PTPRZ1: variants seen among roughly 807,000 people sequenced by gnomAD.
PTPRZ1 encodes the protein protein tyrosine phosphatase receptor type Z1, also known as receptor-type tyrosine-protein phosphatase zeta.
Under a neutral mutation model 214.1 loss-of-function variants are expected in PTPRZ1, and 82 were observed. The ratio of observed to expected loss-of-function variants is 0.38; its 90% CI spans 0.32 to 0.46. The LOEUF (loss-of-function observed/expected upper bound fraction) is 0.46. Among genes scored for constraint, PTPRZ1 ranks in the 20% least tolerant of loss-of-function variants. PTPRZ1 has a pLI of 1.00. For synonymous variants in PTPRZ1, 945 were observed against 987.9 expected, an observed-to-expected ratio of 0.96 and a Z score of 0.81; for missense variants, 2,603 against 2,748.7, an observed-to-expected ratio of 0.95 and a Z score of 1.19.
At chr7:121,929,686 T>C (rs1332556885) in intron 2 of PTPRZ1, among the ~76,000 whole-genome samples, 2 of 151,654 alleles carry the variant, frequency 1.3e-5, no homozygotes, top group Non-Finnish European at 2.9e-5. Flanking sequence ...CGCATGCTTC[T>C]AATCCCAGCT....
chr7:121,877,711 C>T (rs1446341749), intron 1 of PTPRZ1, among the ~76,000 whole-genome samples: 1 of 152,200 alleles, frequency 6.6e-6, no homozygotes, highest in East Asian at 1.9e-4. Context: ...GATTCAATCC[C>T]ACAATGAAAA....
chr7:122,057,964 GTGTGTA>G (rs200633054), intron 27 of PTPRZ1, among the ~76,000 whole-genome samples: 95 of 85,708 alleles, frequency 1.1e-3, no homozygotes, highest in African/African-American at 5.1e-3. Context: ...GTGTGTGTGT[GTGTGTA>G]TATATATACA....
At chr7:122,033,957 TGTTA>T in intron 15 of PTPRZ1, 134 bp from the exon 16 acceptor site, 1 of 697,680 alleles carries the variant, frequency 1.4e-6, no homozygotes, top group East Asian at 2.7e-5. Flanking sequence ...CATTCTGTTG[TGTTA>T]GTATTTGACA....
At chr7:121,961,046 G>A (rs541067907) in intron 2 of PTPRZ1, among the ~76,000 whole-genome samples, 2 of 152,150 alleles carry the variant, frequency 1.3e-5, no homozygotes, top group South Asian at 4.1e-4. Flanking sequence ...ATAAATAAGA[G>A]ACAGACATAT....
intron 8 of PTPRZ1, among the ~76,000 whole-genome samples, chr7:121,985,760 A>G (rs1797748182): frequency 6.6e-6 from 1 of 152,204 alleles, no homozygotes; most frequent in Admixed American, 6.5e-5. Flanking sequence ...CCATACCCAT[A>G]GATGGTAAAT....
At chr7:121,884,747 C>G (rs1349742232) in intron 1 of PTPRZ1, among the ~76,000 whole-genome samples, 2 of 152,020 alleles carry the variant, frequency 1.3e-5, no homozygotes, top group Non-Finnish European at 2.9e-5. Context: ...TGAATTGTAC[C>G]CTGGTGGGAG....
At chr7:121,953,510 T>A (rs1796620005) in intron 2 of PTPRZ1, among the ~76,000 whole-genome samples, 1 of 152,222 alleles carries the variant, frequency 6.6e-6, no homozygotes, top group Admixed American at 6.5e-5. Context: ...GTCATTAAAT[T>A]ATTTTTTATG....
intron 1 of PTPRZ1, among the ~76,000 whole-genome samples, chr7:121,887,064 G>GAAACTTTCT (rs11282041): frequency 0.58 from 87,679 of 151,488 alleles, 26,703 homozygotes; most frequent in African/African-American, 0.77. Context: ...CTTTGTCTGT[G>GAAACTTTCT]CTAACACATC....
intron 2 of PTPRZ1, among the ~76,000 whole-genome samples, chr7:121,957,472 A>G (rs1324314971): frequency 6.6e-6 from 1 of 152,150 alleles, no homozygotes; most frequent in Admixed American, 6.5e-5. Context: ...ATGGTCTCCC[A>G]CATCAGGAGA....
intron 2 of PTPRZ1, among the ~76,000 whole-genome samples, chr7:121,956,445 C>G (rs1193558557): frequency 6.6e-6 from 1 of 152,136 alleles, no homozygotes; most frequent in African/African-American, 2.4e-5. Context: ...ATGCACTGAG[C>G]AGGGAAAGTT....
In PTPRZ1 at chr7:122,011,879, A is replaced by G. The variant is rs200333389; in HGVS notation, c.2833A>G (p.Ser945Gly). 54 of 1,614,156 alleles carry G rather than the reference A, an allele frequency of 3.3e-5. No individual in the cohort carries two copies. Among genetic ancestry groups the G allele is most frequent in the Non-Finnish European group, 4.4e-5 (52 of 1,179,980 alleles). The change falls in exon 12 of 30, where the codon AGT becomes GGT. Residue 945 changes from serine (S) to glycine (G), a missense_variant. Physicochemically the swap from Ser to Gly is moderately conservative, Grantham distance 56. This residue lies in a region of PTPRZ1 where 1,913 missense variants were observed against 1,914.3 expected (regional missense o/e 1.00). Transcript: ENST00000393386. Reference protein sequence around the residue: ...GSQHIFTVSYSSAIPVHDSVG... With the variant: ...GSQHIFTVSYGSAIPVHDSVG... ...CCAACACATCTTCACTGTTTCTTAC[A>G]GTTCTGCAATACCTGTGCATGATTC... is the stretch of plus-strand genomic sequence containing the variant.
rs1394344021 is a variant in PTPRZ1 at position 122,062,031 on chromosome 7, C to G, written c.*811C>G. 6.6e-6 allele frequency: 1 copy of G among 152,480 alleles called. No individual in the cohort carries two copies. Among genetic ancestry groups the G allele is most frequent in the African/African-American group, 2.4e-5 (1 of 41,388 alleles). The allele number at this position is 152,480 out of a possible 1,614,324, so 9.4% of individuals were successfully genotyped here. ...TTGCAAAAATAAATATAAATATTGC[C>G]ATTAATTTGTGTTTGCTTGTGGAGC... On this transcript the variant is annotated 3_prime_UTR_variant, in exon 30 of 30. Transcript: ENST00000393386.
At chr7:121,985,241 A>C (rs1797731738) in intron 8 of PTPRZ1, among the ~76,000 whole-genome samples, 1 of 152,222 alleles carries the variant, frequency 6.6e-6, no homozygotes, top group South Asian at 2.1e-4. Flanking sequence ...TAAATACTAT[A>C]GCATACTGTC....
intron 25 of PTPRZ1, among the ~76,000 whole-genome samples, chr7:122,052,887 C>A (rs984607927): frequency 6.6e-6 from 1 of 152,138 alleles, no homozygotes; most frequent in African/African-American, 2.4e-5. Context: ...TTTGGTAAGT[C>A]TACAGCTAGA....
chr7:122,038,930 T>C, intron 19 of PTPRZ1, 41 bp downstream of exon 19: 1 of 1,602,346 alleles, frequency 6.2e-7, no homozygotes, highest in Non-Finnish European at 8.5e-7. Context: ...AAAAAGTAAT[T>C]AGAGGTACTT....
intron 2 of PTPRZ1, among the ~76,000 whole-genome samples, chr7:121,936,494 G>A (rs1486194328): frequency 2.6e-5 from 4 of 152,168 alleles, no homozygotes; most frequent in Non-Finnish European, 4.4e-5. Flanking sequence ...ATAGACTGAG[G>A]CCTATAGCCG....
intron 13 of PTPRZ1, among the ~76,000 whole-genome samples, chr7:122,025,958 AGG>A (rs1347591177): frequency 1.3e-5 from 2 of 152,220 alleles, no homozygotes; most frequent in Non-Finnish European, 2.9e-5. Flanking sequence ...ACAGACAGGT[AGG>A]GTTTAAGTAT....
intron 2 of PTPRZ1, among the ~76,000 whole-genome samples, chr7:121,951,257 T>C (rs895620214): frequency 1.2e-4 from 18 of 152,250 alleles, no homozygotes; most frequent in African/African-American, 4.1e-4. Context: ...TACTGCTGTC[T>C]TCTTGGAGCT....
chr7:121,923,959 A>G (rs960255467), intron 1 of PTPRZ1, among the ~76,000 whole-genome samples: 2 of 152,124 alleles, frequency 1.3e-5, no homozygotes, highest in East Asian at 3.9e-4. Flanking sequence ...AATATAAACC[A>G]AATTCCTCTC....
Sources: gnomAD v4.1 joint callset for allele counts (sites outside exome capture counted in the v4.1 genomes callset) on GRCh38, gnomAD v4.1.1 for gene constraint, gnomAD v4.1.1 regional missense constraint, MANE v1.5 for transcripts, NCBI Gene and HGNC (gene_info 2026-07-23, HGNC 2026-07-21) for gene names.